The following LAPTM4B variants were observed in gnomAD, a reference collection of about 807,000 sequenced individuals.
LAPTM4B encodes lysosomal-associated transmembrane protein 4B.
Under a neutral mutation model 28.5 loss-of-function variants are expected in LAPTM4B, and 26 were observed. That is an observed-to-expected ratio of 0.91 (90% CI 0.67 to 1.27). The LOEUF (loss-of-function observed/expected upper bound fraction) is 1.27. Among genes scored for constraint, LAPTM4B ranks in the 50% most tolerant of loss-of-function variants. The pLI is 0.00. For synonymous variants in LAPTM4B, 109 were observed against 106.4 expected (o/e 1.02, Z -0.15); for missense variants, 288 against 285.8 (o/e 1.01, Z -0.06).
intron 1 of LAPTM4B, among the ~76,000 whole-genome samples, chr8:97,799,563 T>G (rs1199219724): frequency 6.6e-6 from 1 of 152,210 alleles, no homozygotes; most frequent in Non-Finnish European, 1.5e-5. Context: ...TCTAGTATGT[T>G]GAGGCCCTAT....
intron 4 of LAPTM4B, among the ~76,000 whole-genome samples, chr8:97,818,407 C>T (rs1816955226): frequency 6.6e-6 from 1 of 152,142 alleles, no homozygotes; most frequent in South Asian, 2.1e-4. Flanking sequence ...CATTCACTTG[C>T]CTAGGCCAGT....
At chr8:97,799,692 GCT>G (rs1816641804) in intron 1 of LAPTM4B, among the ~76,000 whole-genome samples, 1 of 152,096 alleles carries the variant, frequency 6.6e-6, no homozygotes, top group African/African-American at 2.4e-5. Context: ...TAACAACATA[GCT>G]CTGATCATGT....
intron 4 of LAPTM4B, 25 bp from the exon 5 acceptor site, chr8:97,819,115 C>A: frequency 7.3e-7 from 1 of 1,375,856 alleles, no homozygotes; most frequent in Non-Finnish European, 1.0e-6. Context: ...ATGAGATTTG[C>A]TAATGAGGCC....
At chr8:97,807,089 T>C (rs1816766437) in intron 2 of LAPTM4B, among the ~76,000 whole-genome samples, 1 of 152,182 alleles carries the variant, frequency 6.6e-6, no homozygotes, top group African/African-American at 2.4e-5. Context: ...GGTATGTCTT[T>C]ATCAGCAGCA....
chr8:97,805,327 T>TTTTTG (rs1554590520), intron 1 of LAPTM4B, 26 bp from the exon 2 acceptor site: 1 of 1,122,644 alleles, frequency 8.9e-7, no homozygotes, highest in Admixed American at 2.4e-5. Context: ...TTAAATTCTT[T>TTTTTG]TTTTTTTTTT....
At chr8:97,776,739 T>A (rs1013632982) in intron 1 of LAPTM4B, among the ~76,000 whole-genome samples, 1 of 151,536 alleles carries the variant, frequency 6.6e-6, no homozygotes, top group Non-Finnish European at 1.5e-5. Context: ...GATGTGAGTG[T>A]GATTTACTGC....
At chr8:97,848,857 T>C (rs1181063595) in intron 6 of LAPTM4B, among the ~76,000 whole-genome samples, 1 of 152,218 alleles carries the variant, frequency 6.6e-6, no homozygotes, top group Non-Finnish European at 1.5e-5. Flanking sequence ...GTATGTGCGC[T>C]GGGGGCTCAG....
intron 2 of LAPTM4B, among the ~76,000 whole-genome samples, chr8:97,810,227 T>C (rs1443125866): frequency 1.3e-5 from 2 of 152,118 alleles, no homozygotes; most frequent in African/African-American, 4.8e-5. Flanking sequence ...CGCCCTCAAT[T>C]TTTTCAGTGT....
chr8:97,808,471 T>G (rs114942036), intron 2 of LAPTM4B, among the ~76,000 whole-genome samples: 2 of 141,628 alleles, frequency 1.4e-5, no homozygotes, highest in African/African-American at 5.1e-5. Context: ...AATTAAATAA[T>G]CCATCTCAAG....
At chr8:97,794,987 C>T (rs924628059) in intron 1 of LAPTM4B, among the ~76,000 whole-genome samples, 14 of 152,250 alleles carry the variant, frequency 9.2e-5, no homozygotes, top group Non-Finnish European at 1.3e-4. Context: ...GCTGGGATTA[C>T]AGGCGTGAGC....
At chr8:97,793,978 T>C (rs1213944383) in intron 1 of LAPTM4B, among the ~76,000 whole-genome samples, 1 of 151,938 alleles carries the variant, frequency 6.6e-6, no homozygotes, top group Non-Finnish European at 1.5e-5. Flanking sequence ...CAGCTAATTG[T>C]TTTTTGTTTT....
intron 1 of LAPTM4B, among the ~76,000 whole-genome samples, chr8:97,786,602 G>T (rs1311390022): frequency 6.6e-6 from 1 of 151,746 alleles, no homozygotes; most frequent in Non-Finnish European, 1.5e-5. Context: ...CAGAGGCTGA[G>T]CCCGGAGAAT....
At chr8:97,807,602 G>C (rs567409098) in intron 2 of LAPTM4B, among the ~76,000 whole-genome samples, 1 of 152,330 alleles carries the variant, frequency 6.6e-6, no homozygotes, top group Admixed American at 6.5e-5. Flanking sequence ...ATGGGAGTCT[G>C]TGGCCCAGAG....
chr8:97,803,753 C>T (rs1816722932), intron 1 of LAPTM4B, among the ~76,000 whole-genome samples: 1 of 152,104 alleles, frequency 6.6e-6, no homozygotes, highest in African/African-American at 2.4e-5. Flanking sequence ...TCAGGCGATC[C>T]TCCCACCTCA....
Position 97,851,840 on chromosome 8 carries a change from C to A in LAPTM4B, c.*366C>A, listed in dbSNP as rs921534112. On this transcript the variant is annotated 3_prime_UTR_variant, in exon 7 of 7. Coordinates refer to ENST00000521545, the MANE Select transcript of LAPTM4B (RefSeq NM_018407.6). ...TCTCTTTTGAAAATGTAAAATAAAA[C>A]CAAAAATAGACAACTTTTTCTTCAG... 16 of 217,362 alleles carry A rather than the reference C, an allele frequency of 7.4e-5. No homozygotes were observed. Among genetic ancestry groups the A allele is most frequent in the Non-Finnish European group, 1.2e-4 (13 of 111,258 alleles). 13.5% of individuals were successfully genotyped at this position (217,362 alleles called of 1,614,324 possible). A position where few individuals can be genotyped will look rare whatever the true frequency, so the allele number is the denominator to read the frequency against.
intron 4 of LAPTM4B, among the ~76,000 whole-genome samples, chr8:97,817,600 T>C (rs1164451638): frequency 6.6e-5 from 10 of 151,684 alleles, no homozygotes; most frequent in African/African-American, 2.4e-4. Flanking sequence ...AGGCACCCGC[T>C]ACCAAGCCTG....
At position 97,816,153 on chromosome 8, in the gene LAPTM4B, C is replaced by T. The variant is rs1341242313; in HGVS notation, c.381C>T (p.Asn127=). ...CAATCACTGTGCTTATTTATCCAAA[C>T]TCCATTCAGGAATACATACGGCAAC... The part of the protein sequence containing the change: ...LVAITVLIYP[N]SIQEYIRQLP... Residue 127 remains asparagine (N), a synonymous_variant, in exon 4 of 7, where the codon AAC becomes AAT. Coordinates refer to ENST00000521545, the MANE Select transcript of LAPTM4B (RefSeq NM_018407.6). 1.9e-6 allele frequency: 3 copies of T among 1,613,556 alleles called. No individual in the cohort carries two copies. Among genetic ancestry groups the T allele is most frequent in the South Asian group, 1.1e-5 (1 of 90,856 alleles).
intron 5 of LAPTM4B, among the ~76,000 whole-genome samples, chr8:97,824,519 G>A (rs12546595): frequency 0.47 from 71,648 of 151,904 alleles, 17,171 homozygotes; most frequent in East Asian, 0.58. Flanking sequence ...TTTAAGTATC[G>A]TCGTCGGATA....
chr8:97,804,847 C>T (rs1485280375), intron 1 of LAPTM4B, among the ~76,000 whole-genome samples: 1 of 152,148 alleles, frequency 6.6e-6, no homozygotes, highest in Non-Finnish European at 1.5e-5. Context: ...AAGGATGATC[C>T]TGGATCCACT....
Sources: gnomAD v4.1 joint callset for allele counts (sites outside exome capture counted in the v4.1 genomes callset) on GRCh38, gnomAD v4.1.1 for gene constraint, MANE v1.5 for transcripts, NCBI Gene and HGNC (gene_info 2026-07-23, HGNC 2026-07-21) for gene names.